Variants in PLXNB1 observed in about 807,000 individuals in gnomAD.
The protein encoded by PLXNB1 is plexin-B1.
Under a neutral mutation model 209.4 loss-of-function variants are expected in PLXNB1, and 106 were observed. That is an observed-to-expected ratio of 0.51 (90% CI 0.43 to 0.59). The LOEUF is 0.59. Among genes scored for constraint, PLXNB1 ranks in the 20% least tolerant of loss-of-function variants. PLXNB1 has a pLI of 0.00. For missense variants in PLXNB1, 2,357 were observed against 2,853.2 expected, an observed-to-expected ratio of 0.83 and a Z score of 3.96; for synonymous variants, 1,167 against 1,183.2, an observed-to-expected ratio of 0.99 and a Z score of 0.28.
chr3:48,411,612 C>T lies in PLXNB1; in HGVS notation c.5247+251G>A, dbSNP rs1487073875. On this transcript the variant is annotated intron_variant, in intron 28 of 37. Transcript: ENST00000296440. The surrounding 1 kb of genome is among the most constrained non-coding windows in gnomAD (Gnocchi z 4.0). ...AAGGTAGGGCTGGCTTCTCCCAAAC[C>T]CTGGTTGTGGCTACCCTAGTTCCAT... 6.6e-6 allele frequency among the ~76,000 whole-genome samples: 1 copy of T among 152,182 alleles called. No individual in the cohort carries two copies. The highest frequency in any genetic ancestry group is 2.4e-5 in the African/African-American group (1 of 41,420).
Position 48,409,936 on chromosome 3 carries a change from T to C in PLXNB1, c.5747A>G (p.Glu1916Gly). The change falls in exon 32 of 38, where the codon GAG (glutamate) becomes GGG (glycine). Residue 1916 changes from glutamate to glycine, a missense_variant. By Grantham distance (98) the Glu-to-Gly change is moderately conservative. Transcript: ENST00000296440. The surrounding 1 kb of genome is among the most constrained non-coding windows in gnomAD (Gnocchi z 5.8). ...GERERAKAIP[E>G]IYLTRLLSMK... is the part of the protein sequence containing the mutation. ...GGACAGCAGGCGGGTCAGGTAGATC[T>C]CAGGGATGGCCTTGGCGCGCTCACG... The C allele has an allele frequency of 6.2e-7, 1 of 1,611,814 alleles. No individual in the cohort carries two copies. Among genetic ancestry groups the C allele is most frequent in the Non-Finnish European group, 8.5e-7 (1 of 1,179,308 alleles).
At chr3:48,430,170 A>G (rs1413437328), upstream of PLXNB1, 1 of 152,432 alleles carries the variant, frequency 6.6e-6, no homozygotes, top group African/African-American at 2.4e-5. Context: ...GGCTTGCGCC[A>G]TCAACTAAAC....
At chr3:48,426,943 C>T (rs1005864988) in intron 1 of PLXNB1, among the ~76,000 whole-genome samples, 4 of 152,112 alleles carry the variant, frequency 2.6e-5, no homozygotes, top group Non-Finnish European at 5.9e-5. Flanking sequence ...GGGCAGAGGC[C>T]ACCTCTTGCA....
In PLXNB1 at chr3:48,419,091, A is replaced by G; in HGVS notation, c.2833-52T>C. ...GCAGCTTCAGGAGCTGGGCCCAGGG[A>G]GTCCTGCAGGTCACCCAACAGATCC... is the stretch of plus-strand genomic sequence containing the variant. On this transcript the variant is annotated intron_variant, in intron 12 of 37. Transcript: ENST00000296440. The surrounding 1 kb of genome is among the most constrained non-coding windows in gnomAD (Gnocchi z 5.7). 6.2e-7 allele frequency: 1 copy of G among 1,603,806 alleles called. No individual in the cohort carries two copies.
At chr3:48,422,584 C>T in intron 4 of PLXNB1, 125 bp from the exon 5 acceptor site, 1 of 1,316,816 alleles carries the variant, frequency 7.6e-7, no homozygotes, top group South Asian at 1.5e-5. Context: ...ACAGGTCATA[C>T]CAACTGGCCT....
In PLXNB1 at chr3:48,409,989, A is replaced by T. The variant is rs2037562641; in HGVS notation, c.5694T>A (p.Pro1898=). 6.2e-7 allele frequency: 1 copy of T among 1,612,578 alleles called. No homozygotes were observed. The highest frequency in any genetic ancestry group is 1.3e-5 in the African/African-American group (1 of 74,912). The change falls in exon 32 of 38, where the codon CCT becomes CCA. Residue 1898 remains proline (P), a synonymous_variant. Transcript: ENST00000296440. The surrounding 1 kb of genome is among the most constrained non-coding windows in gnomAD (Gnocchi z 5.8). ...KPSDEPEPPR[P]RRGSLRGGER... Reference sequence around the variant, plus strand: ...CCCCGCCCCGAAGGCTGCCCCTCCGAGGCCTGGGCGGCTCCGGCTCATCAC... The same window carrying T: ...CCCCGCCCCGAAGGCTGCCCCTCCGTGGCCTGGGCGGCTCCGGCTCATCAC...
In PLXNB1 at chr3:48,421,234, C is replaced by T; in HGVS notation, c.1804G>A (p.Gly602Arg). 6.2e-7 allele frequency: 1 copy of T among 1,613,254 alleles called. No individual in the cohort carries two copies. The highest frequency in any genetic ancestry group is 8.5e-7 in the Non-Finnish European group (1 of 1,179,696). ...GGCCCATTCTCTCACCCACCGGCTC[C>T]TCTCGGCAGCACTGGGGCCTCACTA... ...DPSEAPVLPR[G>R]ADYVSVSVEL... Residue 602 changes from glycine (G) to arginine (R), a missense_variant, in exon 8 of 38, where the codon GGA becomes AGA. Around this residue, in one of 7 missense-constraint regions of PLXNB1, gnomAD observed 214 missense variants for 297.1 expected, o/e 0.72. Coordinates refer to ENST00000296440, the MANE Select transcript of PLXNB1 (RefSeq NM_001130082.3).
At chr3:48,425,837 G>C (rs3729579) in intron 1 of PLXNB1, among the ~76,000 whole-genome samples, 75,698 of 136,314 alleles carry the variant, frequency 0.56, 19,657 homozygotes, top group East Asian at 0.68. Flanking sequence ...CACACACACA[G>C]AGAGAGAGAG....
chr3:48,422,887 C>T lies in PLXNB1; in HGVS notation c.1168G>A (p.Val390Ile), dbSNP rs774076102. 6.2e-7 allele frequency: 1 copy of T among 1,614,110 alleles called. No individual in the cohort carries two copies. The highest frequency in any genetic ancestry group is 1.1e-5 in the South Asian group (1 of 91,084). ...AGAATTGGTGTGGCTTCCAGCGGGA[C>T]CCGGCTGGCCATGGGGCTGGGCGTG... The part of the protein sequence containing the change: ...DHTPSPMASR[V>I]PLEATPILEW... Residue 390 changes from valine to isoleucine, a missense_variant, in exon 4 of 38, where the codon GTC (valine) becomes ATC (isoleucine). This residue lies in a region of PLXNB1 where 404 missense variants were observed against 443.6 expected (regional missense o/e 0.91). Transcript: ENST00000296440.
chr3:48,423,317 G>A (rs1008342982), intron 3 of PLXNB1, among the ~76,000 whole-genome samples, 188 bp downstream of exon 3: 3 of 151,808 alleles, frequency 2.0e-5, no homozygotes, highest in Admixed American at 1.3e-4. Context: ...GCTGCCACCC[G>A]CATGCCAGAT....
rs201070468 is a variant in PLXNB1 at position 48,412,637 on chromosome 3, G to T, written c.4855-17C>A. The T allele has an allele frequency of 6.2e-7, 1 of 1,612,678 alleles. No homozygotes were observed. Among genetic ancestry groups the T allele is most frequent in the South Asian group, 1.1e-5 (1 of 91,080 alleles). ...GTGGATGAACTGCAGCCAAAGAGAA[G>T]GGATGGGAAAAGGGGTTTAGGGGGA... On this transcript the variant is annotated splice_polypyrimidine_tract_variant and intron_variant, in intron 25 of 37. Coordinates refer to ENST00000296440, the MANE Select transcript of PLXNB1 (RefSeq NM_001130082.3).
In PLXNB1 at chr3:48,424,613, G is replaced by C; in HGVS notation, c.-2C>G. 6.5e-7 allele frequency: 1 copy of C among 1,536,568 alleles called. No individual in the cohort carries two copies. The highest frequency in any genetic ancestry group is 2.4e-5 in the East Asian group (1 of 40,916). The stretch of plus-strand genomic sequence containing the variant: ...AAGAGCTGGGCCCAGAGCAGGCATG[G>C]TCACCTGGCAGGAAGAGAGGTCGAG... On this transcript the variant is annotated 5_prime_UTR_variant, in exon 3 of 38. Coordinates refer to ENST00000296440, the MANE Select transcript of PLXNB1 (RefSeq NM_001130082.3).
rs377145799 is a variant in PLXNB1, at chr3:48,420,939, C to A, written c.1828G>T (p.Val610Leu). ...ACAACAGCGCCAAATCTGAGCTCCACGCTCACGGATACGTAGTCTGCAGAG... is the reference window on the plus strand; with the variant it reads ...ACAACAGCGCCAAATCTGAGCTCCAAGCTCACGGATACGTAGTCTGCAGAG... ...PRGADYVSVS[V>L]ELRFGAVVIA... Residue 610 changes from valine to leucine, a missense_variant, in exon 9 of 38, where the codon GTG becomes TTG. Val to Leu is a conservative substitution (Grantham distance 32). This residue lies in a region of PLXNB1 where 214 missense variants were observed against 297.1 expected (regional missense o/e 0.72). Coordinates refer to ENST00000296440, the MANE Select transcript of PLXNB1 (RefSeq NM_001130082.3). The A allele has an allele frequency of 1.4e-5, 22 of 1,613,422 alleles. No homozygotes were observed. In the Admixed American group the frequency reaches 3.3e-4, roughly 24 times the overall value.
In PLXNB1 at chr3:48,415,518, C is replaced by A; in HGVS notation, c.3794+65G>T. 6.7e-7 allele frequency: 1 copy of A among 1,481,778 alleles called. No homozygotes were observed. The highest frequency in any genetic ancestry group is 1.3e-5 in the South Asian group (1 of 77,452). 91.8% of individuals were successfully genotyped at this position (1,481,778 alleles called of 1,614,324 possible). ...CCTCAACATAAAGCCCTACAAACCC[C>A]CACATAGTGGAGCTGCAAAGACCTC... On this transcript the variant is annotated intron_variant, in intron 19 of 37. Transcript: ENST00000296440. This position sits in a 1 kb window ranked among gnomAD's most constrained non-coding sequence, Gnocchi z 5.0.
rs758268048 is a variant in PLXNB1 at position 48,406,809 on chromosome 3, G to A, written c.6228+14C>T. ...AGGCCTATGCCCAACCCAAGAAGCA[G>A]AGGGAGGCCTTACCCAGGACAGTTC... On this transcript the variant is annotated intron_variant, in intron 36 of 37. Coordinates refer to ENST00000296440, the MANE Select transcript of PLXNB1 (RefSeq NM_001130082.3). The surrounding 1 kb of genome is among the most constrained non-coding windows in gnomAD (Gnocchi z 4.4). The A allele has an allele frequency of 6.3e-7, 1 of 1,595,756 alleles. No homozygotes were observed. Among genetic ancestry groups the A allele is most frequent in the South Asian group, 1.1e-5 (1 of 88,490 alleles).
Position 48,410,694 on chromosome 3 carries a change from A to G in PLXNB1, c.5417-136T>C. ...CTCAACCTCTCCAAAGACCAAGAGC[A>G]GGGACCCCCTCCCCAGATGAGAGGC... On this transcript the variant is annotated intron_variant, in intron 29 of 37. Transcript: ENST00000296440. This position sits in a 1 kb window ranked among gnomAD's most constrained non-coding sequence, Gnocchi z 6.4. 1.1e-6 allele frequency: 1 copy of G among 939,158 alleles called. No individual in the cohort carries two copies. The highest frequency in any genetic ancestry group is 1.6e-6 in the Non-Finnish European group (1 of 616,410). 58.2% of individuals were successfully genotyped at this position (939,158 alleles called of 1,614,324 possible). A position where few individuals can be genotyped will look rare whatever the true frequency, so the allele number is the denominator to read the frequency against.
Position 48,405,073 on chromosome 3 carries a change from C to T in PLXNB1, c.6304-483G>A, listed in dbSNP as rs1243034357. On this transcript the variant is annotated intron_variant, in intron 37 of 37. Coordinates refer to ENST00000296440, the MANE Select transcript of PLXNB1 (RefSeq NM_001130082.3). The surrounding 1 kb of genome is among the most constrained non-coding windows in gnomAD (Gnocchi z 5.0). ...AAACAGCTACTGCCCACTATGTCTC[C>T]ACAAGGGGACATGCCTGCATCACAC... Among the ~76,000 whole-genome samples, 1 of 152,212 alleles carries T rather than the reference C, an allele frequency of 6.6e-6. No individual in the cohort carries two copies.
At position 48,411,678 on chromosome 3, in the gene PLXNB1, G is replaced by A. The variant is rs1022880558; in HGVS notation, c.5247+185C>T. 6.6e-6 allele frequency among the ~76,000 whole-genome samples: 1 copy of A among 152,166 alleles called. No homozygotes were observed. Among genetic ancestry groups the A allele is most frequent in the African/African-American group, 2.4e-5 (1 of 41,440 alleles). ...CATAGAGGCCTTATCATCAAAGTCTGCCCTAAACTGCTATCCTGCTAAGCT... is the reference window on the plus strand; with the variant it reads ...CATAGAGGCCTTATCATCAAAGTCTACCCTAAACTGCTATCCTGCTAAGCT... On this transcript the variant is annotated intron_variant, in intron 28 of 37. Coordinates refer to ENST00000296440, the MANE Select transcript of PLXNB1 (RefSeq NM_001130082.3). The surrounding 1 kb of genome is among the most constrained non-coding windows in gnomAD (Gnocchi z 4.0).
At position 48,423,733 on chromosome 3, in the gene PLXNB1, G is replaced by A. The variant is rs1378528537; in HGVS notation, c.879C>T (p.Leu293=). The A allele has an allele frequency of 1.2e-6, 2 of 1,613,846 alleles. No individual in the cohort carries two copies. Among genetic ancestry groups the A allele is most frequent in the Non-Finnish European group, 8.5e-7 (1 of 1,179,942 alleles). Reference sequence around the variant, plus strand: ...GTGCAGCCGAGGAGAAAGCTGCAAAGAGCACCTCCCCATGCGCCACCTCCC... The same window carrying A: ...GTGCAGCCGAGGAGAAAGCTGCAAAAAGCACCTCCCCATGCGCCACCTCCC... ...TSREVAHGEV[L]FAAFSSAAPP... Residue 293 remains leucine, a synonymous_variant, in exon 3 of 38, where the codon CTC becomes CTT. Coordinates refer to ENST00000296440, the MANE Select transcript of PLXNB1 (RefSeq NM_001130082.3).
Sources: gnomAD v4.1 joint callset for allele counts (sites outside exome capture counted in the v4.1 genomes callset) on GRCh38, gnomAD v4.1.1 for gene constraint, gnomAD v4.1.1 regional missense constraint, Gnocchi (gnomAD v3.1) non-coding constraint, MANE v1.5 for transcripts, NCBI Gene and HGNC (gene_info 2026-07-23, HGNC 2026-07-21) for gene names.